NOL4: variants seen among roughly 807,000 people sequenced by gnomAD.
NOL4 encodes cancer/testis antigen 125.
In NOL4, 17 loss-of-function variants were observed where a neutral mutation model predicts 75.9. The ratio of observed to expected loss-of-function variants is 0.22; its 90% confidence interval spans 0.15 to 0.34. NOL4 has a LOEUF of 0.34. Ranked by LOEUF, NOL4 falls within the 10% of genes least tolerant of loss-of-function variation. The pLI is 1.00. For missense variants in NOL4, 614 were observed against 793.5 expected, an observed-to-expected ratio of 0.77 and a Z score of 2.72; for synonymous variants, 292 against 289.9, an observed-to-expected ratio of 1.01 and a Z score of -0.07.
chr18:34,162,806 C>G (rs1489563515), intron 1 of NOL4, among the ~76,000 whole-genome samples: 3 of 152,144 alleles, frequency 2.0e-5, no homozygotes, highest in Non-Finnish European at 4.4e-5. Context: ...AATTTTAGAC[C>G]AATATCCTGA....
chr18:34,081,859 C>T (rs1568317635), intron 5 of NOL4, among the ~76,000 whole-genome samples: 1 of 152,068 alleles, frequency 6.6e-6, no homozygotes, highest in Admixed American at 6.6e-5. Context: ...ATTTTAAACA[C>T]AGGGCAATTA....
At chr18:33,892,112 T>C (rs1441379134) in intron 9 of NOL4, among the ~76,000 whole-genome samples, 2 of 152,134 alleles carry the variant, frequency 1.3e-5, no homozygotes, top group Non-Finnish European at 2.9e-5. Context: ...AGCCATATTT[T>C]CCACTGGAAG....
intron 2 of NOL4, among the ~76,000 whole-genome samples, chr18:34,109,397 T>C (rs2079476095): frequency 6.6e-6 from 1 of 152,072 alleles, no homozygotes; most frequent in South Asian, 2.1e-4. Context: ...CATGCACCTG[T>C]AGTCCCAGCT....
chr18:33,904,482 C>G (rs999169293), intron 9 of NOL4, among the ~76,000 whole-genome samples: 1 of 152,012 alleles, frequency 6.6e-6, no homozygotes, highest in Non-Finnish European at 1.5e-5. Flanking sequence ...TCCCTCCTCC[C>G]TTTTATGGTT....
chr18:33,907,755 C>T (rs1441390031), intron 9 of NOL4, among the ~76,000 whole-genome samples: 3 of 152,066 alleles, frequency 2.0e-5, no homozygotes, highest in Admixed American at 6.5e-5. Flanking sequence ...AAATTTGTGA[C>T]ACATAAAGGA....
chr18:34,187,413 T>C (rs2034560748), intron 1 of NOL4, among the ~76,000 whole-genome samples: 1 of 143,902 alleles, frequency 6.9e-6, no homozygotes, highest in Middle Eastern at 3.7e-3. Context: ...AGTCTTGTTC[T>C]GTCGCCCAGG....
chr18:34,155,615 A>G (rs886393689), intron 1 of NOL4, among the ~76,000 whole-genome samples: 1 of 152,004 alleles, frequency 6.6e-6, no homozygotes, highest in African/African-American at 2.4e-5. Context: ...GGTACTGAAT[A>G]TTGTAGGTAA....
chr18:34,126,953 A>T (rs998216012), intron 2 of NOL4, among the ~76,000 whole-genome samples: 3 of 151,966 alleles, frequency 2.0e-5, no homozygotes, highest in Non-Finnish European at 2.9e-5. Flanking sequence ...AACACATTCA[A>T]TGTACCAGTA....
intron 6 of NOL4, among the ~76,000 whole-genome samples, chr18:33,992,567 C>A (rs1941348): frequency 0.37 from 55,559 of 151,802 alleles, 10,543 homozygotes; most frequent in Non-Finnish European, 0.41. Context: ...CTCACAACAA[C>A]CCCCTTCCAG....
intron 8 of NOL4, among the ~76,000 whole-genome samples, chr18:33,953,264 A>G (rs1359795698): frequency 1.1e-5 from 1 of 90,320 alleles, no homozygotes; most frequent in Admixed American, 1.0e-4. Context: ...ATACACATTC[A>G]TTTTTTCTAC....
intron 5 of NOL4, among the ~76,000 whole-genome samples, chr18:34,061,526 G>T (rs1010061807): frequency 2.0e-5 from 3 of 152,030 alleles, no homozygotes; most frequent in Non-Finnish European, 2.9e-5. Context: ...TACCTAAAAG[G>T]TCAACCAATA....
At chr18:34,139,517 G>A (rs994699293) in intron 1 of NOL4, among the ~76,000 whole-genome samples, 34 of 152,148 alleles carry the variant, frequency 2.2e-4, no homozygotes, top group Non-Finnish European at 1.0e-4. Context: ...TGGGATCAGT[G>A]GTGATCTCCC....
intron 1 of NOL4, among the ~76,000 whole-genome samples, chr18:34,153,305 GTCCTTAATTCATA>G: frequency 6.6e-6 from 1 of 151,748 alleles, no homozygotes; most frequent in Non-Finnish European, 1.5e-5. Flanking sequence ...TCTCTTAAAT[GTCCTTAATTCATA>G]TCCTCTTCCA....
chr18:34,210,243 T>C (rs768461211), intron 1 of NOL4, among the ~76,000 whole-genome samples: 4 of 152,182 alleles, frequency 2.6e-5, no homozygotes, highest in South Asian at 2.1e-4. Flanking sequence ...CCAAGAAACA[T>C]TGTCTGTAAT....
chr18:34,051,866 T>G (rs1212092432), intron 5 of NOL4, among the ~76,000 whole-genome samples: 1 of 151,930 alleles, frequency 6.6e-6, no homozygotes, highest in East Asian at 1.9e-4. Flanking sequence ...AATTCAAATT[T>G]TGGAATAAGA....
intron 1 of NOL4, among the ~76,000 whole-genome samples, chr18:34,186,793 G>A (rs2034492611): frequency 6.6e-6 from 1 of 151,660 alleles, no homozygotes; most frequent in South Asian, 2.1e-4. Context: ...TGTTTTTGTT[G>A]GCACTCTGCA....
intron 5 of NOL4, among the ~76,000 whole-genome samples, chr18:34,071,164 A>G (rs999773398): frequency 3.9e-5 from 6 of 152,178 alleles, no homozygotes; most frequent in Non-Finnish European, 8.8e-5. Context: ...ACATGATTTG[A>G]TCATTACACA....
chr18:34,119,779 G>A (rs1312144166), intron 2 of NOL4, among the ~76,000 whole-genome samples: 3 of 151,958 alleles, frequency 2.0e-5, no homozygotes, highest in African/African-American at 4.8e-5. Context: ...CCGCCACCAC[G>A]CCTGGCTAAT....
At chr18:33,911,781 A>T (rs916417929) in intron 9 of NOL4, among the ~76,000 whole-genome samples, 1 of 152,120 alleles carries the variant, frequency 6.6e-6, no homozygotes, top group Non-Finnish European at 1.5e-5. Flanking sequence ...CTGTCTCCAT[A>T]CTTGTGGCTA....
Sources: allele counts gnomAD v4.1 joint callset (sites outside exome capture counted in the v4.1 genomes callset), GRCh38; gene constraint gnomAD v4.1.1; transcripts MANE v1.5; gene names NCBI Gene and HGNC (gene_info 2026-07-23, HGNC 2026-07-21).